Variants in PLD5 observed in about 807,000 individuals in gnomAD.
PLD5 encodes phospholipase D family member 5.
PLD5 carries 36 observed loss-of-function variants against 61.1 expected under a neutral mutation model. That is an observed-to-expected ratio of 0.59 (90% CI 0.45 to 0.78). The LOEUF is 0.78. Among genes scored for constraint, PLD5 ranks in the 30% least tolerant of loss-of-function variants. The pLI is 0.00. For missense variants in PLD5, 515 were observed against 644.4 expected (o/e 0.80, Z 2.17); for synonymous variants, 243 against 242.8 (o/e 1.00, Z -0.01).
In PLD5 at chr1:242,474,016, C is replaced by T. The variant is rs150995068; in HGVS notation, c.189+50072G>A. Among the ~76,000 whole-genome samples, 1,137 of 152,222 alleles carry T rather than the reference C, an allele frequency of 7.5e-3. 10 individuals carry two copies. The highest frequency in any genetic ancestry group is 0.011 in the Non-Finnish European group (740 of 68,022). ...ACAAATAAGCCCAGCACCAAATGGA[C>T]TGTTAACCCACGTGATAATAGCTTT... is the stretch of plus-strand genomic sequence containing the variant. On this transcript the variant is annotated intron_variant, in intron 1 of 9. Coordinates refer to ENST00000536534, the MANE Select transcript of PLD5 (RefSeq NM_001372062.1).
chr1:242,372,191 A>G (rs1661676300), intron 1 of PLD5, among the ~76,000 whole-genome samples: 1 of 152,056 alleles, frequency 6.6e-6, no homozygotes, highest in African/African-American at 2.4e-5. Flanking sequence ...TATTTTTTAA[A>G]TTTATCTGTT....
In PLD5 at chr1:242,265,494, T is replaced by C. The variant is rs1241840452; in HGVS notation, c.496-46A>G. The C allele has an allele frequency of 3.4e-6, 5 of 1,472,822 alleles. No individual in the cohort carries two copies. In the African/African-American group the frequency reaches 7.1e-5, roughly 21 times the overall value. 91.2% of individuals were successfully genotyped at this position (1,472,822 alleles called of 1,614,324 possible). On this transcript the variant is annotated intron_variant, in intron 3 of 9. Coordinates refer to ENST00000536534, the MANE Select transcript of PLD5 (RefSeq NM_001372062.1). Reference sequence around the variant, plus strand: ...CAAAGAAAGTCAGAAAACCTAAATGTTTACCAATTTAGACAGGTAAAAATA... The same window carrying C: ...CAAAGAAAGTCAGAAAACCTAAATGCTTACCAATTTAGACAGGTAAAAATA...
chr1:242,276,980 A>T (rs984187488), intron 3 of PLD5, among the ~76,000 whole-genome samples: 1 of 152,150 alleles, frequency 6.6e-6, no homozygotes, highest in Non-Finnish European at 1.5e-5. Flanking sequence ...TCATCATGCC[A>T]ATCACGGGCC....
intron 1 of PLD5, among the ~76,000 whole-genome samples, chr1:242,439,405 A>G (rs939196956): frequency 6.6e-6 from 1 of 152,144 alleles, no homozygotes; most frequent in Non-Finnish European, 1.5e-5. Flanking sequence ...GTTCATAGGA[A>G]GTTTTTATGG....
intron 4 of PLD5, among the ~76,000 whole-genome samples, chr1:242,263,174 TAAA>T (rs1308146338): frequency 6.6e-6 from 1 of 152,170 alleles, no homozygotes; most frequent in Non-Finnish European, 1.5e-5. Flanking sequence ...ACACCTGCAC[TAAA>T]TCTTTGTCAT....
At position 242,273,172 on chromosome 1, in the gene PLD5, T is replaced by C. The variant is rs575461803; in HGVS notation, c.496-7724A>G. On this transcript the variant is annotated intron_variant, in intron 3 of 9. Coordinates refer to ENST00000536534, the MANE Select transcript of PLD5 (RefSeq NM_001372062.1). ...AATCCCACTTATGAATGAAAACATG[T>C]GGTGTTTTGTTTTCTGTTCCTGTGT... is the stretch of plus-strand genomic sequence containing the variant. 5.3e-5 allele frequency among the ~76,000 whole-genome samples: 8 copies of C among 151,482 alleles called. No individual in the cohort carries two copies. The East Asian group carries it at 1.6e-3, about 30-fold the overall frequency.
chr1:242,379,158 C>T (rs897344999), intron 1 of PLD5, among the ~76,000 whole-genome samples: 9 of 152,166 alleles, frequency 5.9e-5, no homozygotes, highest in African/African-American at 2.2e-4. Context: ...GAGGCTTCCA[C>T]TCAACTTAAA....
rs571158089 is a variant in PLD5, at chr1:242,495,448, G to A, written c.189+28640C>T. On this transcript the variant is annotated intron_variant, in intron 1 of 9. Transcript: ENST00000536534. The stretch of plus-strand genomic sequence containing the variant: ...ATGAATGAAAAAGCAGTGAAGACAC[G>A]AGCTGTAAGCAGTATCCCAGGGAGA... Among the ~76,000 whole-genome samples the A allele has an allele frequency of 3.9e-5, 6 of 152,126 alleles. No homozygotes were observed. In the East Asian group the frequency reaches 7.7e-4, roughly 20 times the overall value.
intron 1 of PLD5, among the ~76,000 whole-genome samples, chr1:242,452,310 T>C (rs1572179143): frequency 6.6e-6 from 1 of 152,194 alleles, no homozygotes; most frequent in Admixed American, 6.5e-5. Flanking sequence ...ACCAGGATTC[T>C]AGTGATATGA....
At chr1:242,143,302 C>T (rs554977770) in intron 5 of PLD5, among the ~76,000 whole-genome samples, 1 of 152,234 alleles carries the variant, frequency 6.6e-6, no homozygotes, top group Admixed American at 6.5e-5. Context: ...ATCCACCTAC[C>T]TCAGCATCTC....
intron 1 of PLD5, among the ~76,000 whole-genome samples, chr1:242,435,784 A>T (rs1280215247): frequency 6.6e-6 from 1 of 152,186 alleles, no homozygotes; most frequent in Non-Finnish European, 1.5e-5. Context: ...AGGTAATGAG[A>T]ATGTACTTAC....
chr1:242,393,645 T>C (rs892072129), intron 1 of PLD5, among the ~76,000 whole-genome samples: 1 of 106,528 alleles, frequency 9.4e-6, no homozygotes, highest in Non-Finnish European at 1.8e-5. Context: ...TATGTGTATA[T>C]ATATGAGTAT....
At chr1:242,246,478 AACACAC>A (rs34723926) in intron 4 of PLD5, among the ~76,000 whole-genome samples, 3,388 of 141,184 alleles carry the variant, frequency 0.024, 56 homozygotes, top group Admixed American at 0.051. Flanking sequence ...TAGAAAAGAC[AACACAC>A]ACACACACAC....
intron 1 of PLD5, among the ~76,000 whole-genome samples, chr1:242,479,301 T>TA (rs997340071): frequency 2.0e-5 from 3 of 152,154 alleles, no homozygotes; most frequent in African/African-American, 4.8e-5. Context: ...GAATCTACTT[T>TA]AAAAAACAGC....
intron 7 of PLD5, among the ~76,000 whole-genome samples, chr1:242,112,283 CTGTGTGTG>C (rs748175841): frequency 9.2e-4 from 110 of 119,698 alleles, no homozygotes; most frequent in African/African-American, 2.5e-3. Flanking sequence ...AAAGGATGCA[CTGTGTGTG>C]TGTGTGTGTG....
intron 2 of PLD5, among the ~76,000 whole-genome samples, chr1:242,327,112 G>A (rs1658843373): frequency 6.6e-6 from 1 of 152,048 alleles, no homozygotes; most frequent in Non-Finnish European, 1.5e-5. Context: ...TGATCCACCT[G>A]CCTCAGCCTC....
At chr1:242,246,603 A>G (rs979853915) in intron 4 of PLD5, among the ~76,000 whole-genome samples, 4 of 152,146 alleles carry the variant, frequency 2.6e-5, no homozygotes. Flanking sequence ...AAACTAGATT[A>G]TCTTTGAATA....
chr1:242,432,627 C>G (rs896007872), intron 1 of PLD5, among the ~76,000 whole-genome samples: 2 of 152,214 alleles, frequency 1.3e-5, no homozygotes, highest in Non-Finnish European at 2.9e-5. Flanking sequence ...AAATTCTCCT[C>G]TTTATCCAAG....
intron 4 of PLD5, among the ~76,000 whole-genome samples, chr1:242,223,696 T>C (rs1359125809): frequency 2.0e-5 from 3 of 152,214 alleles, no homozygotes; most frequent in African/African-American, 7.2e-5. Context: ...AAAATATTTA[T>C]GATACATCTG....
Sources: allele counts gnomAD v4.1 joint callset (sites outside exome capture counted in the v4.1 genomes callset), GRCh38; gene constraint gnomAD v4.1.1; transcripts MANE v1.5; gene names NCBI Gene and HGNC (gene_info 2026-07-23, HGNC 2026-07-21).